PDK1: variants seen among roughly 807,000 people sequenced by gnomAD.
PDK1 encodes the protein [Pyruvate dehydrogenase (acetyl-transferring)] kinase isozyme 1, mitochondrial.
A neutral mutation model predicts 54.2 loss-of-function variants in PDK1; 39 were observed. The ratio of observed to expected loss-of-function variants is 0.72; its 90% CI spans 0.56 to 0.94. The LOEUF is 0.94. Ranked by LOEUF, PDK1 falls within the 40% of genes least tolerant of loss-of-function variation. PDK1 has a pLI of 0.00. For missense variants in PDK1, 552 were observed against 566.0 expected (o/e 0.98, Z 0.25); for synonymous variants, 221 against 207.1 (o/e 1.07, Z -0.58).
At chr2:172,580,934 A>G (rs1028595783) in intron 8 of PDK1, among the ~76,000 whole-genome samples, 1 of 152,260 alleles carries the variant, frequency 6.6e-6, no homozygotes, top group African/African-American at 2.4e-5. Context: ...AAAGTAGATT[A>G]GTGGTTGCCT....
the PDK1 span, among the ~76,000 whole-genome samples, chr2:172,648,088 C>T: frequency 1.3e-5 from 2 of 152,066 alleles, no homozygotes; most frequent in Admixed American, 6.6e-5. Flanking sequence ...TTGAAGAAGA[C>T]TAAGAAGAAA....
At chr2:172,673,523 A>G in the PDK1 span, among the ~76,000 whole-genome samples, 1 of 152,124 alleles carries the variant, frequency 6.6e-6, no homozygotes, top group Non-Finnish European at 1.5e-5. Context: ...GAGACAGTTA[A>G]CAACCTCCCT....
At chr2:172,664,311 C>CAAAAAAAAAAAAAAA in the PDK1 span, among the ~76,000 whole-genome samples, 70 of 44,178 alleles carry the variant, frequency 1.6e-3, 18 homozygotes, top group African/African-American at 6.3e-3. Context: ...AACTCTGCCT[C>CAAAAAAAAAAAAAAA]AAAAAAAAAA....
the PDK1 span, among the ~76,000 whole-genome samples, chr2:172,707,240 A>G: frequency 8.1e-4 from 124 of 152,214 alleles, no homozygotes; most frequent in African/African-American, 2.8e-3. Flanking sequence ...GAAAGTCCTG[A>G]TCTGTACTTG....
At chr2:172,720,271 A>C in the PDK1 span, among the ~76,000 whole-genome samples, 13,397 of 151,894 alleles carry the variant, frequency 0.088, 1,249 homozygotes, top group East Asian at 0.52. Flanking sequence ...TGCGCCACCA[A>C]ACTGGGCTAA....
chr2:172,653,762 A>T, the PDK1 span, among the ~76,000 whole-genome samples: 1 of 152,246 alleles, frequency 6.6e-6, no homozygotes, highest in Admixed American at 6.5e-5. Context: ...ATAAAAGCCA[A>T]AATTGAGAAA....
At chr2:172,652,876 G>A in the PDK1 span, among the ~76,000 whole-genome samples, 582 of 152,266 alleles carry the variant, frequency 3.8e-3, 5 homozygotes, top group African/African-American at 7.0e-3. Context: ...AATCAAGATC[G>A]TGAAAATGGC....
upstream of PDK1, chr2:172,555,887 C>A (rs1558919341): frequency 6.0e-6 from 2 of 334,102 alleles, no homozygotes; most frequent in South Asian, 2.1e-4. Context: ...GCGCGCGCTC[C>A]GCATCTCCTT....
At chr2:172,581,703 A>G (rs934714258) in intron 8 of PDK1, among the ~76,000 whole-genome samples, 5 of 152,072 alleles carry the variant, frequency 3.3e-5, no homozygotes, top group African/African-American at 1.2e-4. Flanking sequence ...TACTTACCCT[A>G]GACTTTTAGA....
chr2:172,619,860 A>T, the PDK1 span, among the ~76,000 whole-genome samples: 1 of 152,230 alleles, frequency 6.6e-6, no homozygotes, highest in African/African-American at 2.4e-5. Context: ...TACATGAAGA[A>T]CATTCCAGAC....
At chr2:172,692,370 T>C in the PDK1 span, among the ~76,000 whole-genome samples, 5 of 152,364 alleles carry the variant, frequency 3.3e-5, no homozygotes, top group African/African-American at 7.2e-5. Context: ...ACAACCTTTG[T>C]ATGTTTGTCA....
the PDK1 span, among the ~76,000 whole-genome samples, chr2:172,636,667 G>C: frequency 6.6e-6 from 1 of 150,546 alleles, no homozygotes; most frequent in African/African-American, 2.5e-5. Context: ...GTTGCAGTGA[G>C]CTGAGATCAC....
chr2:172,622,375 A>G, the PDK1 span, among the ~76,000 whole-genome samples: 722 of 143,484 alleles, frequency 5.0e-3, 3 homozygotes, highest in African/African-American at 8.4e-3. Flanking sequence ...ATCATATATT[A>G]TGTGAGATAT....
the PDK1 span, among the ~76,000 whole-genome samples, chr2:172,686,580 G>T: frequency 6.6e-6 from 1 of 152,186 alleles, no homozygotes; most frequent in African/African-American, 2.4e-5. Flanking sequence ...ATAAAAGCTG[G>T]CCACCCCAGC....
chr2:172,646,800 C>T, the PDK1 span, among the ~76,000 whole-genome samples: 49 of 131,688 alleles, frequency 3.7e-4, no homozygotes, highest in Admixed American at 1.2e-3. Context: ...TGCAATGGCA[C>T]GATCTCAGCT....
the PDK1 span, among the ~76,000 whole-genome samples, chr2:172,716,449 C>A: frequency 3.9e-5 from 6 of 151,984 alleles, no homozygotes; most frequent in Admixed American, 3.9e-4. Flanking sequence ...CCTCACCTCC[C>A]GAATAGCTGG....
the PDK1 span, among the ~76,000 whole-genome samples, chr2:172,715,617 A>T: frequency 3.3e-5 from 5 of 152,192 alleles, no homozygotes; most frequent in Non-Finnish European, 7.3e-5. Context: ...TGGGAATGCA[A>T]CCTCACAGAA....
chr2:172,571,585 G>C (rs752813634), intron 8 of PDK1, among the ~76,000 whole-genome samples: 4 of 152,062 alleles, frequency 2.6e-5, no homozygotes, highest in African/African-American at 9.7e-5. Flanking sequence ...TGCCCAGGCT[G>C]ATCTCAAAAC....
chr2:172,594,313 C>T (rs2149299251), intron 10 of PDK1, among the ~76,000 whole-genome samples: 1 of 152,270 alleles, frequency 6.6e-6, no homozygotes, highest in South Asian at 2.1e-4. Flanking sequence ...GCATGAGCCA[C>T]CACACCTGGC....
Sources: allele counts gnomAD v4.1 joint callset (sites outside exome capture counted in the v4.1 genomes callset), GRCh38; gene constraint gnomAD v4.1.1; transcripts MANE v1.5; gene names NCBI Gene and HGNC (gene_info 2026-07-23, HGNC 2026-07-21).